SENP5: variants seen among roughly 807,000 people sequenced by gnomAD.
SENP5 encodes the protein SUMO specific peptidase 5.
Under a neutral mutation model 74.2 loss-of-function variants are expected in SENP5, and 21 were observed. The observed-to-expected ratio is 0.28, with a 90% confidence interval of 0.20 to 0.41. The LOEUF is 0.41. Among genes scored for constraint, SENP5 ranks in the 10% least tolerant of loss-of-function variants. The pLI, the probability that SENP5 is intolerant of heterozygous loss-of-function variation, is 1.00. For synonymous variants in SENP5, 311 were observed against 312.7 expected (o/e 0.99, Z 0.06); for missense variants, 717 against 889.1 (o/e 0.81, Z 2.46).
chr3:196,929,735 G>C (rs1266752412), intron 9 of SENP5, 52 bp downstream of exon 9: 1 of 1,233,080 alleles, frequency 8.1e-7, no homozygotes, highest in African/African-American at 1.5e-5. Flanking sequence ...TGAGTCTGTT[G>C]GGTTGAGAGG....
chr3:196,907,819 C>T (rs528693801), intron 6 of SENP5, among the ~76,000 whole-genome samples: 9 of 152,030 alleles, frequency 5.9e-5, no homozygotes, highest in Admixed American at 3.9e-4. Flanking sequence ...CATTCAGAGC[C>T]GTCCTGGGCT....
At chr3:196,874,670 C>G (rs767144630) in intron 1 of SENP5, among the ~76,000 whole-genome samples, 22 of 152,120 alleles carry the variant, frequency 1.4e-4, no homozygotes, top group Non-Finnish European at 2.6e-4. Context: ...CACCTGAGGT[C>G]AGAGGTCGAG....
Position 196,887,577 on chromosome 3 carries a change from G to A in SENP5, c.1513+883G>A, listed in dbSNP as rs183368341. On this transcript the variant is annotated intron_variant, in intron 2 of 9. Transcript: ENST00000323460. ...CACTGTGCTGGTTCCTAAGAATGTA[G>A]CAATGAACAGAATATATGACCTTCA... Among the ~76,000 whole-genome samples the A allele has an allele frequency of 1.1e-4, 16 of 151,658 alleles. No homozygotes were observed. The East Asian group carries it at 2.5e-3, about 24-fold the overall frequency.
At chr3:196,899,453 A>G (rs1458709045) in intron 2 of SENP5, among the ~76,000 whole-genome samples, 2 of 152,204 alleles carry the variant, frequency 1.3e-5, no homozygotes, top group African/African-American at 2.4e-5. Flanking sequence ...GATTCCTCAC[A>G]GTATGTCTCT....
At chr3:196,887,329 G>A (rs775326155) in intron 2 of SENP5, among the ~76,000 whole-genome samples, 12 of 151,916 alleles carry the variant, frequency 7.9e-5, no homozygotes, top group Non-Finnish European at 1.6e-4. Flanking sequence ...ACAGGCACCC[G>A]CCACCATGCC....
chr3:196,896,996 C>G (rs932606965), intron 2 of SENP5, among the ~76,000 whole-genome samples: 2 of 152,104 alleles, frequency 1.3e-5, no homozygotes, highest in African/African-American at 4.8e-5. Context: ...AATAAAGATA[C>G]AGATAAGAGG....
At chr3:196,926,268 G>T (rs1715806947) in intron 7 of SENP5, among the ~76,000 whole-genome samples, 1 of 152,128 alleles carries the variant, frequency 6.6e-6, no homozygotes, top group Non-Finnish European at 1.5e-5. Flanking sequence ...CGGATCAGAA[G>T]GTCAAGAGAT....
At chr3:196,922,309 A>G (rs1330549634) in intron 6 of SENP5, among the ~76,000 whole-genome samples, 2 of 152,248 alleles carry the variant, frequency 1.3e-5, no homozygotes, top group African/African-American at 2.4e-5. Flanking sequence ...CATGTGACTA[A>G]TACGTGGAAG....
intron 7 of SENP5, among the ~76,000 whole-genome samples, chr3:196,927,098 A>C (rs1431876417): frequency 6.6e-6 from 1 of 152,162 alleles, no homozygotes; most frequent in Non-Finnish European, 1.5e-5. Flanking sequence ...AGTGGACTTG[A>C]GCATATTTAG....
intron 1 of SENP5, among the ~76,000 whole-genome samples, chr3:196,884,534 T>G (rs1038657541): frequency 3.3e-5 from 5 of 152,196 alleles, no homozygotes; most frequent in African/African-American, 1.2e-4. Flanking sequence ...AATTTCAGCT[T>G]GACAACAGTT....
intron 2 of SENP5, among the ~76,000 whole-genome samples, chr3:196,898,633 A>G (rs1056293402): frequency 6.6e-6 from 1 of 151,892 alleles, no homozygotes; most frequent in African/African-American, 2.4e-5. Context: ...GTGCTTCACT[A>G]GCTGGGTGTG....
chr3:196,875,141 T>A (rs1053796573), intron 1 of SENP5, among the ~76,000 whole-genome samples: 43 of 152,226 alleles, frequency 2.8e-4, no homozygotes, highest in Non-Finnish European at 8.8e-5. Flanking sequence ...CTTCCCCTAA[T>A]CGATCTCCGT....
In SENP5 at chr3:196,903,622, A is replaced by T; in HGVS notation, c.1884+12A>T. 1 of 1,538,104 alleles carries T rather than the reference A, an allele frequency of 6.5e-7. No homozygotes were observed. The highest frequency in any genetic ancestry group is 8.9e-7 in the Non-Finnish European group (1 of 1,127,466). ...GATGGACTAAAAAGGTATTCTCTTTATTTCTTTTTTATTCCAAATTTGAAA... is the reference window on the plus strand; with the variant it reads ...GATGGACTAAAAAGGTATTCTCTTTTTTTCTTTTTTATTCCAAATTTGAAA... On this transcript the variant is annotated intron_variant, in intron 6 of 9. Coordinates refer to ENST00000323460, the MANE Select transcript of SENP5 (RefSeq NM_152699.5).
intron 6 of SENP5, among the ~76,000 whole-genome samples, chr3:196,909,443 T>A (rs1715033385): frequency 6.6e-6 from 1 of 152,136 alleles, no homozygotes; most frequent in East Asian, 1.9e-4. Flanking sequence ...TACCAAAACC[T>A]GGCAGAGACA....
Position 196,892,487 on chromosome 3 carries a change from G to A in SENP5, c.1513+5793G>A, listed in dbSNP as rs139469301. On this transcript the variant is annotated intron_variant, in intron 2 of 9. Coordinates refer to ENST00000323460, the MANE Select transcript of SENP5 (RefSeq NM_152699.5). ...ATTGACAAAATTCTATATATTTATG[G>A]GGTACAATGTGATGTTTTGATATAT... Among the ~76,000 whole-genome samples, 869 of 152,180 alleles carry A rather than the reference G, an allele frequency of 5.7e-3. 4 individuals are homozygous for A. The highest frequency in any genetic ancestry group is 8.4e-3 in the Non-Finnish European group (569 of 68,004).
intron 1 of SENP5, among the ~76,000 whole-genome samples, chr3:196,876,384 G>T (rs995803102): frequency 2.0e-5 from 3 of 151,968 alleles, no homozygotes; most frequent in African/African-American, 7.2e-5. Context: ...AATTAGCCGG[G>T]CCTGGTGGCG....
intron 1 of SENP5, among the ~76,000 whole-genome samples, chr3:196,880,713 C>G (rs115659525): frequency 1.4e-5 from 2 of 141,574 alleles, no homozygotes; most frequent in Non-Finnish European, 3.0e-5. Flanking sequence ...GTGATTTCGG[C>G]TCACTGTCAC....
chr3:196,923,640 C>T, intron 7 of SENP5, 89 bp downstream of exon 7: 1 of 826,716 alleles, frequency 1.2e-6, no homozygotes, highest in South Asian at 1.8e-5. Context: ...CAGTCAAAAC[C>T]ATATAGGAAC....
Position 196,886,343 on chromosome 3 carries a change from T to G in SENP5, c.1162T>G (p.Ser388Ala), listed in dbSNP as rs1477419086. 1.2e-6 allele frequency: 2 copies of G among 1,613,788 alleles called. No homozygotes were observed. Among genetic ancestry groups the G allele is most frequent in the East Asian group, 2.2e-5 (1 of 44,886 alleles). The part of the protein sequence containing the change: ...PEHRSNTMFI[S>A]ETEREIMTLG... ...ACATCGTTCTAATACCATGTTCATTTCAGAAACTGAAAGAGAAATTATGAC... is the reference window on the plus strand; with the variant it reads ...ACATCGTTCTAATACCATGTTCATTGCAGAAACTGAAAGAGAAATTATGAC... Residue 388 changes from serine (S) to alanine (A), a missense_variant, in exon 2 of 10, where the codon TCA becomes GCA. This residue lies in a region of SENP5 where 567 missense variants were observed against 577.4 expected (regional missense o/e 0.98). Transcript: ENST00000323460.
Sources: allele counts gnomAD v4.1 joint callset (sites outside exome capture counted in the v4.1 genomes callset), GRCh38; gene constraint gnomAD v4.1.1; regional missense constraint gnomAD v4.1.1; transcripts MANE v1.5; gene names NCBI Gene and HGNC (gene_info 2026-07-23, HGNC 2026-07-21).